The following CDYL2 variants were observed in gnomAD, a reference collection of about 807,000 sequenced individuals.
CDYL2 encodes chromodomain Y like 2.
CDYL2 carries 23 observed loss-of-function variants against 49.4 expected under a neutral mutation model. The observed-to-expected ratio is 0.47, with a 90% CI of 0.34 to 0.66. The LOEUF (loss-of-function observed/expected upper bound fraction) is 0.66. CDYL2 is among the 30% of genes least tolerant of loss of function. The probability of loss-of-function intolerance (pLI) is 0.01; values close to 1 mark genes in which losing one functional copy is unlikely to be tolerated. For synonymous variants in CDYL2, 360 were observed against 268.8 expected (o/e 1.34, Z -3.32); for missense variants, 678 against 656.4 (o/e 1.03, Z -0.36).
intron 1 of CDYL2, among the ~76,000 whole-genome samples, chr16:80,734,898 G>T (rs1178831208): frequency 6.6e-6 from 1 of 152,112 alleles, no homozygotes; most frequent in Non-Finnish European, 1.5e-5. Context: ...GACAATCCTT[G>T]GTCCTCCCAG....
chr16:80,676,724 C>T (rs9936996), intron 2 of CDYL2, among the ~76,000 whole-genome samples: 8,727 of 152,220 alleles, frequency 0.057, 535 homozygotes, highest in African/African-American at 0.16. Flanking sequence ...TTGCATTTCT[C>T]CTCCTCTCTT....
chr16:80,680,585 C>T (rs938804261), intron 2 of CDYL2, among the ~76,000 whole-genome samples: 4 of 152,100 alleles, frequency 2.6e-5, no homozygotes, highest in African/African-American at 7.2e-5. Context: ...CTTTTCTGTA[C>T]CGATGAAACT....
chr16:80,794,331 G>A (rs542169085), intron 1 of CDYL2, among the ~76,000 whole-genome samples: 1 of 152,224 alleles, frequency 6.6e-6, no homozygotes, highest in South Asian at 2.1e-4. Context: ...AAGTGTATTC[G>A]CTCATTTAAT....
intron 1 of CDYL2, among the ~76,000 whole-genome samples, chr16:80,724,458 G>A (rs964969910): frequency 1.3e-5 from 2 of 152,092 alleles, no homozygotes; most frequent in African/African-American, 4.8e-5. Flanking sequence ...GTAAAACTCT[G>A]GAGCTCTTCT....
Position 80,697,931 on chromosome 16 carries a change from T to C in CDYL2, c.25-12802A>G, listed in dbSNP as rs193274501. 1.3e-4 allele frequency among the ~76,000 whole-genome samples: 20 copies of C among 152,276 alleles called. No individual in the cohort carries two copies. The East Asian group carries it at 3.3e-3, about 25-fold the overall frequency. On this transcript the variant is annotated intron_variant, in intron 1 of 6. Transcript: ENST00000570137. ...AAAAAAATGGAAATACATCCCATGT[T>C]CATGGATTGGAAGAATATTGTTAAA...
chr16:80,633,838 T>TTCA (rs1029877416), intron 2 of CDYL2, among the ~76,000 whole-genome samples: 4 of 152,202 alleles, frequency 2.6e-5, no homozygotes, highest in Non-Finnish European at 5.9e-5. Context: ...ATTTTTCTGT[T>TTCA]TCACATATTA....
intron 1 of CDYL2, among the ~76,000 whole-genome samples, chr16:80,712,066 G>T (rs3100176): frequency 0.28 from 40,837 of 147,930 alleles, 10,227 homozygotes; most frequent in African/African-American, 0.67. Context: ...TGTGTGTATA[G>T]ATGTGTGTAT....
intron 1 of CDYL2, among the ~76,000 whole-genome samples, chr16:80,690,053 G>A (rs186718432): frequency 5.6e-4 from 85 of 151,836 alleles, no homozygotes; most frequent in African/African-American, 1.6e-3. Context: ...CCCAGGAGGC[G>A]GAGGTTACAG....
chr16:80,784,086 T>C (rs1907356810), intron 1 of CDYL2, among the ~76,000 whole-genome samples: 3 of 152,188 alleles, frequency 2.0e-5, no homozygotes, highest in South Asian at 2.1e-4. Flanking sequence ...GTAGTAAATA[T>C]ATATAAGTAC....
At chr16:80,634,328 G>A (rs1907715525) in intron 2 of CDYL2, among the ~76,000 whole-genome samples, 1 of 152,198 alleles carries the variant, frequency 6.6e-6, no homozygotes, top group Non-Finnish European at 1.5e-5. Flanking sequence ...AAAAAAGGAT[G>A]AGTTCATGTC....
In CDYL2 at chr16:80,667,385, G is replaced by A. The variant is rs547201955; in HGVS notation, c.616+17153C>T. ...GGCTGTCCCTCAGCTCTATGCCCTT[G>A]TACATGCTGTCATCACCTCCTGACA... is the stretch of plus-strand genomic sequence containing the variant. On this transcript the variant is annotated intron_variant, in intron 2 of 6. Coordinates refer to ENST00000570137, the MANE Select transcript of CDYL2 (RefSeq NM_152342.4). 2.0e-5 allele frequency among the ~76,000 whole-genome samples: 3 copies of A among 152,282 alleles called. No homozygotes were observed. The South Asian group carries it at 6.2e-4, about 32-fold the overall frequency.
chr16:80,785,815 T>C (rs998319376), intron 1 of CDYL2, among the ~76,000 whole-genome samples: 2 of 152,176 alleles, frequency 1.3e-5, no homozygotes, highest in African/African-American at 4.8e-5. Context: ...ACCACACATC[T>C]ACCGTCATCC....
In CDYL2 at chr16:80,741,823, G is replaced by A. The variant is rs56280337; in HGVS notation, c.25-56694C>T. 4.2e-3 allele frequency among the ~76,000 whole-genome samples: 646 copies of A among 152,302 alleles called. 5 individuals are homozygous for A. Among genetic ancestry groups the A allele is most frequent in the African/African-American group, 0.015 (630 of 41,558 alleles). On this transcript the variant is annotated intron_variant, in intron 1 of 6. Coordinates refer to ENST00000570137, the MANE Select transcript of CDYL2 (RefSeq NM_152342.4). Reference sequence around the variant, plus strand: ...GTAAAATGGGCATTCTCATACGGGGGAGCTGTTAATGTTGGACTAATTTAC... The same window carrying A: ...GTAAAATGGGCATTCTCATACGGGGAAGCTGTTAATGTTGGACTAATTTAC...
At chr16:80,655,789 T>C (rs1033999059) in intron 2 of CDYL2, among the ~76,000 whole-genome samples, 2 of 152,130 alleles carry the variant, frequency 1.3e-5, no homozygotes, top group Non-Finnish European at 2.9e-5. Context: ...ACGGGCCTTC[T>C]CTCCAGGAGA....
intron 1 of CDYL2, among the ~76,000 whole-genome samples, chr16:80,731,912 T>A (rs78044651): frequency 6.9e-6 from 1 of 144,240 alleles, no homozygotes; most frequent in African/African-American, 2.6e-5. Context: ...GCAGCACAGT[T>A]AAAAAAAAAA....
intron 1 of CDYL2, among the ~76,000 whole-genome samples, chr16:80,699,933 T>C (rs1904292326): frequency 6.6e-6 from 1 of 151,668 alleles, no homozygotes; most frequent in Non-Finnish European, 1.5e-5. Flanking sequence ...AGTGGCGCGA[T>C]CTCCGCTCAC....
chr16:80,790,377 A>G (rs1372973874), intron 1 of CDYL2, among the ~76,000 whole-genome samples: 1 of 152,228 alleles, frequency 6.6e-6, no homozygotes, highest in Non-Finnish European at 1.5e-5. Flanking sequence ...ACCTTTGTCT[A>G]CACAACACCA....
At chr16:80,672,912 C>A (rs566516999) in intron 2 of CDYL2, among the ~76,000 whole-genome samples, 25 of 152,330 alleles carry the variant, frequency 1.6e-4, no homozygotes, top group African/African-American at 6.0e-4. Flanking sequence ...GGAAGGCTCA[C>A]GCTGGCTTGT....
intron 1 of CDYL2, among the ~76,000 whole-genome samples, chr16:80,722,543 T>C (rs910523886): frequency 6.6e-6 from 1 of 152,210 alleles, no homozygotes; most frequent in Non-Finnish European, 1.5e-5. Context: ...TGCATGTATA[T>C]TGTATCTGTA....
Sources: allele counts gnomAD v4.1 joint callset (sites outside exome capture counted in the v4.1 genomes callset), GRCh38; gene constraint gnomAD v4.1.1; transcripts MANE v1.5; gene names NCBI Gene and HGNC (gene_info 2026-07-23, HGNC 2026-07-21).